The following NDST4 variants were observed in gnomAD, a reference collection of about 807,000 sequenced individuals.
The protein encoded by NDST4 is N-heparan sulfate sulfotransferase 4.
NDST4 carries 63 observed loss-of-function variants against 100.8 expected under a neutral mutation model. The observed-to-expected ratio is 0.62, with a 90% confidence interval of 0.51 to 0.77. NDST4 has a LOEUF of 0.77. Among genes scored for constraint, NDST4 ranks in the 30% least tolerant of loss-of-function variants. The pLI, the probability that NDST4 is intolerant of heterozygous loss-of-function variation, is 0.00. For missense variants in NDST4, 943 were observed against 1,018.4 expected (o/e 0.93, Z 1.01); for synonymous variants, 377 against 361.8 (o/e 1.04, Z -0.48).
chr4:114,903,167 A>T (rs1360895820), intron 6 of NDST4, among the ~76,000 whole-genome samples: 5 of 152,108 alleles, frequency 3.3e-5, no homozygotes, highest in African/African-American at 9.7e-5. Context: ...GCAGCCAGAT[A>T]TGATTACTGG....
At chr4:114,997,780 G>C (rs536452379) in intron 2 of NDST4, among the ~76,000 whole-genome samples, 1 of 152,142 alleles carries the variant, frequency 6.6e-6, no homozygotes, top group East Asian at 1.9e-4. Context: ...TATACACTCA[G>C]AGAGAACTAT....
At chr4:115,061,302 T>A (rs1728813853) in intron 2 of NDST4, among the ~76,000 whole-genome samples, 1 of 152,114 alleles carries the variant, frequency 6.6e-6, no homozygotes, top group South Asian at 2.1e-4. Context: ...AAAATCAATC[T>A]ACTGTAAAGA....
At chr4:114,862,131 C>T (rs140478174) in intron 7 of NDST4, among the ~76,000 whole-genome samples, 1 of 152,198 alleles carries the variant, frequency 6.6e-6, no homozygotes, top group Non-Finnish European at 1.5e-5. Context: ...AGGACAGGCA[C>T]AGTAAACATT....
At chr4:115,051,608 G>A (rs1435628965) in intron 2 of NDST4, among the ~76,000 whole-genome samples, 1 of 151,990 alleles carries the variant, frequency 6.6e-6, no homozygotes, top group African/African-American at 2.4e-5. Flanking sequence ...TCTTTTTTAT[G>A]GCCAAATAAT....
At chr4:114,842,327 C>CA (rs1723442607) in intron 10 of NDST4, among the ~76,000 whole-genome samples, 1 of 151,996 alleles carries the variant, frequency 6.6e-6, no homozygotes, top group Admixed American at 6.6e-5. Context: ...GAGACCATCA[C>CA]AGTCACTTCA....
At chr4:115,007,506 T>C (rs1316490662) in intron 2 of NDST4, among the ~76,000 whole-genome samples, 2 of 152,116 alleles carry the variant, frequency 1.3e-5, no homozygotes, top group Non-Finnish European at 2.9e-5. Flanking sequence ...TACATGTGGA[T>C]TAAGAAAGAG....
Position 115,076,781 on chromosome 4 carries a change from T to A in NDST4, c.256A>T (p.Ser86Cys). ...TDPTVLLFVE[S>C]QYSQLGQDII... ...TCTTGACCGAGTTGAGAGTATTGGC[T>A]CTCCACGAAGAGAAGGACAGTAGGG... The change falls in exon 2 of 14, where the codon AGC (serine) becomes TGC (cysteine). Residue 86 changes from serine to cysteine, a missense_variant. Ser to Cys is a moderately radical substitution (Grantham distance 112). Around this residue, in one of 2 missense-constraint regions of NDST4, gnomAD observed 417 missense variants for 384.2 expected, o/e 1.09. Coordinates refer to ENST00000264363, the MANE Select transcript of NDST4 (RefSeq NM_022569.3). 6.2e-7 allele frequency: 1 copy of A among 1,613,966 alleles called. No homozygotes were observed. Among genetic ancestry groups the A allele is most frequent in the Non-Finnish European group, 8.5e-7 (1 of 1,179,928 alleles).
chr4:114,847,371 G>A (rs1156516933), intron 9 of NDST4, among the ~76,000 whole-genome samples: 1 of 66,404 alleles, frequency 1.5e-5, no homozygotes, highest in African/African-American at 5.5e-5. Context: ...GCGAGACTCC[G>A]TCTCAAAAAA....
intron 2 of NDST4, among the ~76,000 whole-genome samples, chr4:115,041,208 T>C (rs1220407736): frequency 6.6e-6 from 1 of 152,062 alleles, no homozygotes; most frequent in East Asian, 1.9e-4. Context: ...GATAACTCCC[T>C]TTTTTGAAGC....
At chr4:114,929,583 G>C (rs1725469825) in intron 6 of NDST4, among the ~76,000 whole-genome samples, 1 of 152,098 alleles carries the variant, frequency 6.6e-6, no homozygotes, top group South Asian at 2.1e-4. Flanking sequence ...GATAGATGAA[G>C]CCTCCTGAAA....
chr4:114,995,322 G>A (rs923990778), intron 2 of NDST4, among the ~76,000 whole-genome samples: 5 of 151,972 alleles, frequency 3.3e-5, no homozygotes, highest in African/African-American at 1.2e-4. Flanking sequence ...ATTCTTATTT[G>A]AATTAAGAGA....
chr4:114,977,396 G>T (rs1248707559), intron 2 of NDST4, 122 bp from the exon 3 acceptor site: 8 of 595,466 alleles, frequency 1.3e-5, no homozygotes, highest in East Asian at 1.1e-4. Flanking sequence ...GTTTTTGATG[G>T]GTACTGTTAT....
intron 6 of NDST4, among the ~76,000 whole-genome samples, chr4:114,912,309 C>A (rs1175690751): frequency 1.3e-5 from 2 of 152,208 alleles, no homozygotes; most frequent in East Asian, 1.9e-4. Flanking sequence ...AGGGAAGCAT[C>A]CTTGAAGATT....
intron 6 of NDST4, among the ~76,000 whole-genome samples, chr4:114,889,228 A>G (rs182386055): frequency 4.1e-4 from 63 of 152,336 alleles, no homozygotes; most frequent in African/African-American, 1.3e-3. Context: ...TTTGGAAAAC[A>G]GGGATATTCT....
At chr4:114,885,379 G>GAACATTTGGACATGGTAACTC (rs2126203433) in intron 6 of NDST4, among the ~76,000 whole-genome samples, 1 of 152,188 alleles carries the variant, frequency 6.6e-6, no homozygotes, top group South Asian at 2.1e-4. Flanking sequence ...GGATCTCCTA[G>GAACATTTGGACATGGTAACTC]AACATTTGGA....
intron 2 of NDST4, among the ~76,000 whole-genome samples, chr4:114,983,493 C>A (rs907024546): frequency 9.2e-5 from 14 of 152,154 alleles, no homozygotes; most frequent in African/African-American, 3.4e-4. Flanking sequence ...GGGCCTGTAG[C>A]CCCTTTTTTT....
At chr4:114,900,406 T>C (rs1724810702) in intron 6 of NDST4, among the ~76,000 whole-genome samples, 1 of 150,974 alleles carries the variant, frequency 6.6e-6, no homozygotes, top group Non-Finnish European at 1.5e-5. Context: ...TTAGATTGAT[T>C]CTAGATCATT....
At chr4:115,014,915 T>C (rs985680256) in intron 2 of NDST4, among the ~76,000 whole-genome samples, 14 of 152,232 alleles carry the variant, frequency 9.2e-5, no homozygotes, top group East Asian at 1.9e-4. Context: ...GTAAAAGAGA[T>C]AGATGGCTAC....
intron 2 of NDST4, among the ~76,000 whole-genome samples, chr4:114,998,255 ATCCCCAAAG>A (rs1727208641): frequency 6.6e-6 from 1 of 152,126 alleles, no homozygotes; most frequent in Non-Finnish European, 1.5e-5. Context: ...CTCTTTGTCT[ATCCCCAAAG>A]TGAGCATCCT....
Sources: allele counts gnomAD v4.1 joint callset (sites outside exome capture counted in the v4.1 genomes callset), GRCh38; gene constraint gnomAD v4.1.1; regional missense constraint gnomAD v4.1.1; transcripts MANE v1.5; gene names NCBI Gene and HGNC (gene_info 2026-07-23, HGNC 2026-07-21).